Variants in TYW1B observed in about 807,000 individuals in gnomAD.
TYW1B encodes S-adenosyl-L-methionine-dependent tRNA 4-demethylwyosine synthase TYW1B.
Under a neutral mutation model 86.9 loss-of-function variants are expected in TYW1B, and 73 were observed. The observed-to-expected ratio is 0.84, with a 90% CI of 0.70 to 1.02. The LOEUF (loss-of-function observed/expected upper bound fraction) is 1.02. TYW1B is among the 50% of genes least tolerant of loss of function. The pLI, the probability that TYW1B is intolerant of heterozygous loss-of-function variation, is 0.00. For synonymous variants in TYW1B, 248 were observed against 292.8 expected, an observed-to-expected ratio of 0.85 and a Z score of 1.56; for missense variants, 637 against 827.4, an observed-to-expected ratio of 0.77 and a Z score of 2.82.
intron 9 of TYW1B, among the ~76,000 whole-genome samples, chr7:72,725,425 A>G (rs1329394203): frequency 3.9e-5 from 6 of 152,110 alleles, no homozygotes. Flanking sequence ...TTAAGCACTA[A>G]CTCAAAAATC....
intron 11 of TYW1B, among the ~76,000 whole-genome samples, chr7:72,633,427 C>G (rs1241777361): frequency 6.6e-6 from 1 of 152,236 alleles, no homozygotes; most frequent in Non-Finnish European, 1.5e-5. Flanking sequence ...ACAGTAGGAA[C>G]CAGAATAGGC....
At chr7:72,657,792 A>G (rs1417225631) in intron 11 of TYW1B, among the ~76,000 whole-genome samples, 3 of 152,256 alleles carry the variant, frequency 2.0e-5, no homozygotes, top group Non-Finnish European at 4.4e-5. Context: ...GTAAAAACAG[A>G]TAATTCTTCA....
At chr7:72,789,939 C>CTTTTTTTTT (rs67405029) in intron 6 of TYW1B, among the ~76,000 whole-genome samples, 3 of 69,168 alleles carry the variant, frequency 4.3e-5, no homozygotes, top group East Asian at 4.7e-4. Flanking sequence ...ATAGGATTAT[C>CTTTTTTTTT]TTTTTTTTTT....
chr7:72,675,539 G>GTATATATA (rs57288719), intron 11 of TYW1B, among the ~76,000 whole-genome samples: 8,981 of 144,176 alleles, frequency 0.062, 283 homozygotes, highest in African/African-American at 0.075. Flanking sequence ...AGTGATGTCA[G>GTATATATA]TATATATATA....
intron 8 of TYW1B, among the ~76,000 whole-genome samples, chr7:72,737,717 TTATAA>T (rs1787221488): frequency 6.6e-6 from 1 of 152,198 alleles, no homozygotes. Flanking sequence ...AGCGCTCACC[TTATAA>T]TATCTCAAAC....
At chr7:72,823,436 A>G (rs13307552) in intron 2 of TYW1B, among the ~76,000 whole-genome samples, 16 of 151,992 alleles carry the variant, frequency 1.1e-4, no homozygotes, top group Non-Finnish European at 2.9e-5. Context: ...TCAGACCACC[A>G]TGGTGAAACC....
chr7:72,676,672 A>AAG (rs1358613919), intron 11 of TYW1B, among the ~76,000 whole-genome samples: 2 of 152,068 alleles, frequency 1.3e-5, no homozygotes, highest in Non-Finnish European at 2.9e-5. Context: ...AAAAAAAAAA[A>AAG]CTTTTGGCTG....
rs558479914 is a variant in TYW1B at position 72,688,582 on chromosome 7, C to A, written c.1506+6105G>T. Among the ~76,000 whole-genome samples, 5 of 152,312 alleles carry A rather than the reference C, an allele frequency of 3.3e-5. No individual in the cohort carries two copies. In the East Asian group the frequency reaches 9.6e-4, roughly 29 times the overall value. On this transcript the variant is annotated intron_variant, in intron 11 of 13. Coordinates refer to ENST00000620995, the MANE Select transcript of TYW1B (RefSeq NM_001145440.3). ...CCAGACTCACTCTCTATGTGCTTCA[C>A]GTTGAAAGCTTCAACACTTTTGTTC...
chr7:72,603,224 CACAG>C (rs1554434205), intron 13 of TYW1B, among the ~76,000 whole-genome samples: 1 of 147,506 alleles, frequency 6.8e-6, no homozygotes, highest in African/African-American at 2.5e-5. Flanking sequence ...GACAGATAGA[CACAG>C]ACAGATGATG....
At position 72,721,594 on chromosome 7, in the gene TYW1B, A is replaced by G. The variant is rs114953886; in HGVS notation, c.1192+7228T>C. Among the ~76,000 whole-genome samples the G allele has an allele frequency of 6.7e-3, 1,025 of 151,962 alleles. 14 individuals are homozygous for G. Among genetic ancestry groups the G allele is most frequent in the African/African-American group, 0.021 (881 of 41,390 alleles). Reference sequence around the variant, plus strand: ...CAGCAAATCGATAGTGCTGTTTCCCATTATCTCACACTCACACACACACAC... The same window carrying G: ...CAGCAAATCGATAGTGCTGTTTCCCGTTATCTCACACTCACACACACACAC... On this transcript the variant is annotated intron_variant, in intron 9 of 13. Coordinates refer to ENST00000620995, the MANE Select transcript of TYW1B (RefSeq NM_001145440.3).
chr7:72,578,813 C>T (rs1563016865), intron 13 of TYW1B, among the ~76,000 whole-genome samples: 2 of 152,256 alleles, frequency 1.3e-5, no homozygotes, highest in Admixed American at 1.3e-4. Context: ...ATCACAGAAG[C>T]TTGGCCCCGT....
intron 4 of TYW1B, among the ~76,000 whole-genome samples, chr7:72,809,342 G>A (rs1554477469): frequency 6.6e-6 from 1 of 152,128 alleles, no homozygotes; most frequent in Non-Finnish European, 1.5e-5. Context: ...ACCAGGCCCA[G>A]CCGAAAAATT....
At chr7:72,825,811 C>T (rs1319010424) in intron 2 of TYW1B, among the ~76,000 whole-genome samples, 2 of 152,176 alleles carry the variant, frequency 1.3e-5, no homozygotes, top group African/African-American at 4.8e-5. Context: ...TCACAACTTT[C>T]TCTAGCCTGC....
intron 11 of TYW1B, among the ~76,000 whole-genome samples, chr7:72,654,946 G>A (rs56997094): frequency 0.013 from 1,976 of 152,240 alleles, 45 homozygotes; most frequent in African/African-American, 0.044. Context: ...AATGTAAGAC[G>A]TTAACAATAA....
At chr7:72,706,463 T>G (rs547775153) in intron 10 of TYW1B, among the ~76,000 whole-genome samples, 3 of 148,778 alleles carry the variant, frequency 2.0e-5, no homozygotes, top group Admixed American at 2.0e-4. Flanking sequence ...AAGAATATTC[T>G]CTCCTCTCTC....
chr7:72,593,173 T>G (rs1313775979), intron 13 of TYW1B, among the ~76,000 whole-genome samples: 2 of 151,658 alleles, frequency 1.3e-5, no homozygotes, highest in Non-Finnish European at 2.9e-5. Context: ...ATGCCTGTAA[T>G]CCCAGCTACT....
At chr7:72,596,702 T>TTCA (rs1811540329) in intron 13 of TYW1B, among the ~76,000 whole-genome samples, 1 of 152,112 alleles carries the variant, frequency 6.6e-6, no homozygotes, top group South Asian at 2.1e-4. Flanking sequence ...ATGGCAAAGC[T>TTCA]TCATGACATT....
At chr7:72,680,526 T>G (rs35072589) in intron 11 of TYW1B, among the ~76,000 whole-genome samples, 1 of 152,084 alleles carries the variant, frequency 6.6e-6, no homozygotes, top group African/African-American at 2.4e-5. Flanking sequence ...AAGGCTGCAA[T>G]GTCAGCTTCC....
chr7:72,669,317 T>C (rs1554445895), intron 11 of TYW1B, among the ~76,000 whole-genome samples: 1 of 151,804 alleles, frequency 6.6e-6, no homozygotes, highest in Non-Finnish European at 1.5e-5. Flanking sequence ...GCTAATTTTT[T>C]GTGTTTTTAG....
Sources: gnomAD v4.1 joint callset for allele counts (sites outside exome capture counted in the v4.1 genomes callset) on GRCh38, gnomAD v4.1.1 for gene constraint, MANE v1.5 for transcripts, NCBI Gene and HGNC (gene_info 2026-07-23, HGNC 2026-07-21) for gene names.